TMEM106B: variants seen among roughly 807,000 people sequenced by gnomAD.
The protein encoded by TMEM106B is transmembrane protein 106B.
A neutral mutation model predicts 31.1 loss-of-function variants in TMEM106B; 15 were observed. The ratio of observed to expected loss-of-function variants is 0.48; its 90% CI spans 0.32 to 0.74. The LOEUF is 0.74. Ranked by LOEUF, TMEM106B falls within the 30% of genes least tolerant of loss-of-function variation. The probability of loss-of-function intolerance (pLI) is 0.03; values close to 1 mark genes in which losing one functional copy is unlikely to be tolerated. For missense variants in TMEM106B, 283 were observed against 327.3 expected, an observed-to-expected ratio of 0.86 and a Z score of 1.04; for synonymous variants, 126 against 112.5, an observed-to-expected ratio of 1.12 and a Z score of -0.76.
Position 12,214,795 on chromosome 7 carries a change from T to G in TMEM106B, c.-2-14T>G. On this transcript the variant is annotated splice_polypyrimidine_tract_variant and intron_variant, in intron 1 of 7. Coordinates refer to ENST00000396668, the MANE Select transcript of TMEM106B (RefSeq NM_001134232.2). ...TTCCCTGAAGTTTACTGTAAGATTT[T>G]TATTTTTCTTTAGACATGGGAAAGT... The G allele has an allele frequency of 6.3e-7, 1 of 1,582,570 alleles. No homozygotes were observed. Among genetic ancestry groups the G allele is most frequent in the Non-Finnish European group, 8.6e-7 (1 of 1,164,682 alleles).
chr7:12,226,980 A>G (rs1781913997), intron 4 of TMEM106B, among the ~76,000 whole-genome samples: 1 of 152,074 alleles, frequency 6.6e-6, no homozygotes, highest in South Asian at 2.1e-4. Flanking sequence ...TTCATGTCAA[A>G]TAACATAAAT....
intron 1 of TMEM106B, 82 bp from the exon 2 acceptor site, chr7:12,214,727 T>C (rs1781652290): frequency 8.8e-7 from 1 of 1,138,102 alleles, no homozygotes; most frequent in East Asian, 2.6e-5. Context: ...CTGTTCTAAA[T>C]TAATTAGTGT....
chr7:12,222,300 G>GA (rs1432976598), intron 3 of TMEM106B, among the ~76,000 whole-genome samples: 1 of 152,056 alleles, frequency 6.6e-6, no homozygotes. Flanking sequence ...TTTTGTAATG[G>GA]AGACATATAT....
intron 3 of TMEM106B, among the ~76,000 whole-genome samples, chr7:12,219,175 A>G (rs1172006992): frequency 6.6e-6 from 1 of 152,192 alleles, no homozygotes; most frequent in Non-Finnish European, 1.5e-5. Context: ...ATACAAATAC[A>G]TATCCTCAAG....
chr7:12,218,677 CAAG>C (rs1450438364), intron 3 of TMEM106B, among the ~76,000 whole-genome samples, 156 bp downstream of exon 3: 1 of 152,022 alleles, frequency 6.6e-6, no homozygotes, highest in African/African-American at 2.4e-5. Context: ...CTTAAACAGA[CAAG>C]AAAGGATTTT....
chr7:12,225,268 T>C (rs576052959), intron 4 of TMEM106B, among the ~76,000 whole-genome samples: 59 of 152,360 alleles, frequency 3.9e-4, no homozygotes, highest in African/African-American at 1.4e-3. Flanking sequence ...AGTCTATAAT[T>C]GATGGACATT....
At chr7:12,226,141 A>AT (rs11438918) in intron 4 of TMEM106B, among the ~76,000 whole-genome samples, 95,577 of 151,924 alleles carry the variant, frequency 0.63, 30,966 homozygotes, top group African/African-American at 0.8. Flanking sequence ...TCCTTTCCCC[A>AT]TTCTTGTTTT....
In TMEM106B at chr7:12,236,912, T is replaced by C. The variant is rs1295273631; in HGVS notation, c.*4937T>C. 2.6e-5 allele frequency: 4 copies of C among 152,102 alleles called. No individual in the cohort carries two copies. The highest frequency in any genetic ancestry group is 5.9e-5 in the Non-Finnish European group (4 of 67,964). The allele number at this position is 152,102 out of a possible 1,614,324, so 9.4% of individuals were successfully genotyped here. ...TGATTTGACGTGCTTGCTCACTTGATTGACTTGGTCAGATATTTGAATGAT... is the reference window on the plus strand; with the variant it reads ...TGATTTGACGTGCTTGCTCACTTGACTGACTTGGTCAGATATTTGAATGAT... On this transcript the variant is annotated 3_prime_UTR_variant, in exon 8 of 8. Coordinates refer to ENST00000396668, the MANE Select transcript of TMEM106B (RefSeq NM_001134232.2).
intron 4 of TMEM106B, among the ~76,000 whole-genome samples, chr7:12,225,244 C>T (rs1781876828): frequency 6.6e-6 from 1 of 152,144 alleles, no homozygotes. Context: ...ATATGTGCCA[C>T]GTTTTCTTAA....
intron 7 of TMEM106B, chr7:12,231,339 C>T: frequency 2.3e-6 from 1 of 437,384 alleles, no homozygotes; most frequent in Non-Finnish European, 4.0e-6. Context: ...CTGGATGTCA[C>T]AAGAGTTCAG....
rs990299575 is a variant in TMEM106B at position 12,235,741 on chromosome 7, AGTTT to A, written c.*3770_*3773del. 1 of 151,750 alleles carries A rather than the reference AGTTT, an allele frequency of 6.6e-6. No individual in the cohort carries two copies. Among genetic ancestry groups the A allele is most frequent in the Admixed American group, 6.6e-5 (1 of 15,224 alleles). 9.4% of individuals were successfully genotyped at this position (151,750 alleles called of 1,614,324 possible). On this transcript the variant is annotated 3_prime_UTR_variant, in exon 8 of 8. Transcript: ENST00000396668. ...ATAATTATATTTTATTTAAGAAAATAGTTTGTTAGGTACTTTTTAAAAGATGTAA... is the reference window on the plus strand; with the variant it reads ...ATAATTATATTTTATTTAAGAAAATAGTTAGGTACTTTTTAAAAGATGTAA...
At chr7:12,212,681 A>G (rs910901201) in intron 1 of TMEM106B, among the ~76,000 whole-genome samples, 1 of 152,154 alleles carries the variant, frequency 6.6e-6, no homozygotes, top group African/African-American at 2.4e-5. Context: ...CTACATTGAT[A>G]CACAACATCC....
intron 4 of TMEM106B, among the ~76,000 whole-genome samples, chr7:12,229,087 G>A (rs557497791): frequency 6.6e-6 from 1 of 152,018 alleles, no homozygotes; most frequent in Non-Finnish European, 1.5e-5. Context: ...TGGTATGACT[G>A]TTACAGATCT....
intron 4 of TMEM106B, among the ~76,000 whole-genome samples, chr7:12,225,416 T>C (rs1310648511): frequency 1.3e-5 from 2 of 152,096 alleles, no homozygotes; most frequent in Non-Finnish European, 2.9e-5. Context: ...ATGGTATTTC[T>C]AGTTCTAGAT....
In TMEM106B at chr7:12,222,634, G is replaced by A. The variant is rs929092714; in HGVS notation, c.282-1592G>A. 2.6e-5 allele frequency among the ~76,000 whole-genome samples: 4 copies of A among 152,124 alleles called. No homozygotes were observed. In the East Asian group the frequency reaches 5.8e-4, roughly 22 times the overall value. ...TTGGTGTGTTATAGATACTATAAAC[G>A]TGTTTAAATTTCCTATTAGGTAATC... On this transcript the variant is annotated intron_variant, in intron 3 of 7. Transcript: ENST00000396668.
At chr7:12,224,678 ACT>A (rs1020423563) in intron 4 of TMEM106B, among the ~76,000 whole-genome samples, 2 of 152,124 alleles carry the variant, frequency 1.3e-5, no homozygotes, top group Non-Finnish European at 2.9e-5. Context: ...TCAGCATATG[ACT>A]CTGAATAACT....
At position 12,233,751 on chromosome 7, in the gene TMEM106B, G is replaced by A. The variant is rs1317839312; in HGVS notation, c.*1776G>A. 1.3e-5 allele frequency: 2 copies of A among 150,262 alleles called. No homozygotes were observed. The highest frequency in any genetic ancestry group is 4.9e-5 in the African/African-American group (2 of 41,026). 9.3% of individuals were successfully genotyped at this position (150,262 alleles called of 1,614,324 possible). A position where few individuals can be genotyped will look rare whatever the true frequency, so the allele number is the denominator to read the frequency against. On this transcript the variant is annotated 3_prime_UTR_variant, in exon 8 of 8. Transcript: ENST00000396668. Reference sequence around the variant, plus strand: ...ACTACTGCATACTTCTCTGATACAGGTTCTGTTTGTATTTTTTATATCATT... The same window carrying A: ...ACTACTGCATACTTCTCTGATACAGATTCTGTTTGTATTTTTTATATCATT...
At chr7:12,227,264 G>T (rs1052527965) in intron 4 of TMEM106B, among the ~76,000 whole-genome samples, 3 of 152,080 alleles carry the variant, frequency 2.0e-5, no homozygotes, top group African/African-American at 7.2e-5. Context: ...TTCTTAAAAT[G>T]ATTAGTATAT....
At chr7:12,230,157 C>T (rs901675289) in intron 5 of TMEM106B, among the ~76,000 whole-genome samples, 3 of 151,764 alleles carry the variant, frequency 2.0e-5, no homozygotes, top group Non-Finnish European at 2.9e-5. Flanking sequence ...GGTCGAGGCT[C>T]GCGAGCCGTG....
Sources: allele counts gnomAD v4.1 joint callset (sites outside exome capture counted in the v4.1 genomes callset), GRCh38; gene constraint gnomAD v4.1.1; transcripts MANE v1.5; gene names NCBI Gene and HGNC (gene_info 2026-07-23, HGNC 2026-07-21).